Variants in WIF1 observed in about 807,000 individuals in gnomAD.
The protein encoded by WIF1 is Wnt inhibitory factor 1.
A neutral mutation model predicts 53.5 loss-of-function variants in WIF1; 35 were observed. The ratio of observed to expected loss-of-function variants is 0.65; its 90% CI spans 0.50 to 0.87. WIF1 has a LOEUF of 0.87. Among genes scored for constraint, WIF1 ranks in the 40% least tolerant of loss-of-function variants. WIF1 has a pLI of 0.00. For synonymous variants in WIF1, 171 were observed against 170.4 expected, an observed-to-expected ratio of 1.00 and a Z score of -0.03; for missense variants, 467 against 476.8, an observed-to-expected ratio of 0.98 and a Z score of 0.19.
At chr12:65,076,306 A>C (rs1358747714) in intron 3 of WIF1, among the ~76,000 whole-genome samples, 1 of 151,684 alleles carries the variant, frequency 6.6e-6, no homozygotes, top group Non-Finnish European at 1.5e-5. Context: ...CAAAATGTAG[A>C]GATTATAGGT....
At chr12:65,074,178 AT>A (rs991904605) in intron 3 of WIF1, among the ~76,000 whole-genome samples, 16 of 151,786 alleles carry the variant, frequency 1.1e-4, no homozygotes, top group Admixed American at 9.8e-4. Flanking sequence ...TTTATTTTTT[AT>A]TTTTTTATTT....
intron 6 of WIF1, 128 bp from the exon 7 acceptor site, chr12:65,062,704 T>C: frequency 1.2e-6 from 1 of 804,896 alleles, no homozygotes. Flanking sequence ...CTTAATAAAA[T>C]AAGCTGCTTT....
At chr12:65,102,563 C>T (rs1023996365) in intron 2 of WIF1, among the ~76,000 whole-genome samples, 6 of 152,172 alleles carry the variant, frequency 3.9e-5, no homozygotes, top group African/African-American at 1.4e-4. Flanking sequence ...GAAACTCCCT[C>T]AAAGACACAC....
intron 3 of WIF1, among the ~76,000 whole-genome samples, chr12:65,071,770 T>C (rs1437869492): frequency 1.3e-5 from 2 of 152,170 alleles, no homozygotes; most frequent in Non-Finnish European, 2.9e-5. Context: ...ACCTGAACCC[T>C]ACTGCAGAAT....
At chr12:65,089,347 C>T (rs1161014046) in intron 2 of WIF1, among the ~76,000 whole-genome samples, 1 of 152,098 alleles carries the variant, frequency 6.6e-6, no homozygotes. Context: ...CCTGTCTTTT[C>T]CTTCCCAATA....
At chr12:65,084,470 T>C (rs1883005170) in intron 2 of WIF1, among the ~76,000 whole-genome samples, 1 of 152,236 alleles carries the variant, frequency 6.6e-6, no homozygotes, top group Non-Finnish European at 1.5e-5. Flanking sequence ...CATGCCTATA[T>C]TCCAGTGATT....
chr12:65,090,066 T>A (rs1883100115), intron 2 of WIF1, among the ~76,000 whole-genome samples: 1 of 152,188 alleles, frequency 6.6e-6, no homozygotes, highest in African/African-American at 2.4e-5. Context: ...TGACTTTCAA[T>A]GAAACAGAAG....
At chr12:65,112,186 T>C (rs925471522) in intron 2 of WIF1, among the ~76,000 whole-genome samples, 1 of 152,200 alleles carries the variant, frequency 6.6e-6, no homozygotes, top group Non-Finnish European at 1.5e-5. Context: ...CTTGCCAACT[T>C]TAATTTCTAC....
At chr12:65,066,500 T>A in intron 6 of WIF1, 141 bp downstream of exon 6, 2 of 574,402 alleles carry the variant, frequency 3.5e-6, no homozygotes, top group Non-Finnish European at 5.4e-6. Context: ...AAATTGGGAT[T>A]TCAGTTACTA....
At chr12:65,084,349 C>G (rs1883002995) in intron 2 of WIF1, among the ~76,000 whole-genome samples, 1 of 152,162 alleles carries the variant, frequency 6.6e-6, no homozygotes, top group Non-Finnish European at 1.5e-5. Flanking sequence ...GGGATAAGGC[C>G]TTCGGCCTGT....
intron 2 of WIF1, among the ~76,000 whole-genome samples, chr12:65,119,521 C>T (rs991239559): frequency 3.3e-5 from 5 of 152,074 alleles, no homozygotes; most frequent in Admixed American, 1.3e-4. Flanking sequence ...AAAGTGTTTT[C>T]GGTATCACAT....
intron 2 of WIF1, among the ~76,000 whole-genome samples, chr12:65,095,212 A>T (rs1883186391): frequency 6.6e-6 from 1 of 151,520 alleles, no homozygotes; most frequent in Non-Finnish European, 1.5e-5. Flanking sequence ...AAGTACTAGG[A>T]TTACAGGTGT....
chr12:65,091,865 C>A (rs1456705329), intron 2 of WIF1, among the ~76,000 whole-genome samples: 1 of 152,122 alleles, frequency 6.6e-6, no homozygotes, highest in Non-Finnish European at 1.5e-5. Context: ...TGAGTAGTTT[C>A]CATGTGCCAG....
chr12:65,078,376 C>A (rs1234318943), intron 2 of WIF1, among the ~76,000 whole-genome samples: 1 of 151,770 alleles, frequency 6.6e-6, no homozygotes, highest in African/African-American at 2.4e-5. Context: ...ACTATGCCTG[C>A]CCAGTAATTT....
chr12:65,106,258 C>A (rs899696927), intron 2 of WIF1, among the ~76,000 whole-genome samples: 1 of 151,968 alleles, frequency 6.6e-6, no homozygotes, highest in Non-Finnish European at 1.5e-5. Flanking sequence ...AGCCCACAGG[C>A]TGGTAGAGCC....
At chr12:65,055,706 C>T (rs916413814) in intron 8 of WIF1, among the ~76,000 whole-genome samples, 2 of 152,146 alleles carry the variant, frequency 1.3e-5, no homozygotes, top group Non-Finnish European at 2.9e-5. Context: ...ACCTGGGGGG[C>T]GGAGGTTTCA....
At chr12:65,076,600 C>T (rs965306389) in intron 3 of WIF1, among the ~76,000 whole-genome samples, 17 of 152,222 alleles carry the variant, frequency 1.1e-4, no homozygotes, top group South Asian at 4.1e-4. Flanking sequence ...GATTTTGGTA[C>T]GCACATTAAT....
rs901364850 is a variant in WIF1 at position 65,051,357 on chromosome 12, T to A, written c.1132A>T (p.Ile378Phe). The change falls in exon 10 of 10, where the codon ATC (isoleucine) becomes TTC (phenylalanine). Residue 378 changes from isoleucine (I) to phenylalanine (F), a missense_variant. Ile to Phe is a conservative substitution (Grantham distance 21, BLOSUM62 0). Coordinates refer to ENST00000286574, the MANE Select transcript of WIF1 (RefSeq NM_007191.5). ...ERRDPPESNY[I>F]W Reference sequence around the variant, plus strand: ...GTTTCAGATGTCGGAGTTCACCAGATGTAATTGGATTCAGGTGGATCCCGC... The same window carrying A: ...GTTTCAGATGTCGGAGTTCACCAGAAGTAATTGGATTCAGGTGGATCCCGC... 8 of 1,613,230 alleles carry A rather than the reference T, an allele frequency of 5.0e-6. No homozygotes were observed. The highest frequency in any genetic ancestry group is 6.8e-6 in the Non-Finnish European group (8 of 1,179,664).
At chr12:65,118,976 A>C (rs1442890195) in intron 2 of WIF1, among the ~76,000 whole-genome samples, 1 of 152,118 alleles carries the variant, frequency 6.6e-6, no homozygotes, top group Non-Finnish European at 1.5e-5. Flanking sequence ...GTGCAGTTCA[A>C]ACTGCCTTTT....
Sources: allele counts gnomAD v4.1 joint callset (sites outside exome capture counted in the v4.1 genomes callset), GRCh38; gene constraint gnomAD v4.1.1; transcripts MANE v1.5; gene names NCBI Gene and HGNC (gene_info 2026-07-23, HGNC 2026-07-21).